Variants in ASB5 observed in about 807,000 individuals in gnomAD.
ASB5 encodes the protein ankyrin repeat and SOCS box protein 5.
ASB5 carries 45 observed loss-of-function variants against 42.1 expected under a neutral mutation model. The ratio of observed to expected loss-of-function variants is 1.07; its 90% confidence interval spans 0.84 to 1.37. The LOEUF is 1.37. Among genes scored for constraint, ASB5 ranks in the 40% most tolerant of loss-of-function variants. The probability of loss-of-function intolerance (pLI) is 0.00; values close to 1 mark genes in which losing one functional copy is unlikely to be tolerated. For missense variants in ASB5, 402 were observed against 399.8 expected, an observed-to-expected ratio of 1.01 and a Z score of -0.05; for synonymous variants, 147 against 150.6, an observed-to-expected ratio of 0.98 and a Z score of 0.18.
intron 5 of ASB5, among the ~76,000 whole-genome samples, chr4:176,217,320 G>T (rs141282169): frequency 0.01 from 1,581 of 152,160 alleles, 32 homozygotes; most frequent in African/African-American, 0.037. Flanking sequence ...ACTTTTAAAT[G>T]ATTCCAAAAG....
At chr4:176,258,585 G>C (rs1177340500) in intron 1 of ASB5, among the ~76,000 whole-genome samples, 1 of 152,100 alleles carries the variant, frequency 6.6e-6, no homozygotes, top group East Asian at 1.9e-4. Context: ...TTAAAATTCA[G>C]TCTCTAGTCA....
intron 1 of ASB5, among the ~76,000 whole-genome samples, chr4:176,226,591 A>G (rs1196436177): frequency 2.6e-5 from 4 of 152,112 alleles, no homozygotes; most frequent in Non-Finnish European, 5.9e-5. Flanking sequence ...TTTATCAGCT[A>G]TTGGTTCTGT....
At chr4:176,215,819 T>A in intron 6 of ASB5, 92 bp from the exon 7 acceptor site, 9 of 1,246,444 alleles carry the variant, frequency 7.2e-6, no homozygotes, top group Non-Finnish European at 9.9e-6. Flanking sequence ...AAAACTACAA[T>A]GCTTTGTAGT....
intron 1 of ASB5, among the ~76,000 whole-genome samples, chr4:176,246,845 T>C (rs971560439): frequency 5.1e-4 from 78 of 152,214 alleles, no homozygotes; most frequent in African/African-American, 1.4e-3. Flanking sequence ...GTTTAATCCA[T>C]AGAATAAAGA....
chr4:176,262,097 G>C (rs1040487493), intron 1 of ASB5, among the ~76,000 whole-genome samples: 1 of 151,938 alleles, frequency 6.6e-6, no homozygotes, highest in Non-Finnish European at 1.5e-5. Context: ...AAGAAAAATA[G>C]CTTATTTTAA....
At chr4:176,245,229 G>T (rs1399240829) in intron 1 of ASB5, among the ~76,000 whole-genome samples, 1 of 152,174 alleles carries the variant, frequency 6.6e-6, no homozygotes, top group Non-Finnish European at 1.5e-5. Flanking sequence ...ATCAAAAAGT[G>T]GGGAGAGGAT....
upstream of ASB5, among the ~76,000 whole-genome samples, chr4:176,271,191 G>A (rs902515901): frequency 2.6e-5 from 4 of 152,106 alleles, no homozygotes; most frequent in Middle Eastern, 3.2e-3. Context: ...TGTATGTTCT[G>A]TTGGTATACT....
intron 1 of ASB5, among the ~76,000 whole-genome samples, chr4:176,249,870 C>A (rs1245220112): frequency 1.3e-5 from 2 of 151,766 alleles, no homozygotes; most frequent in African/African-American, 4.8e-5. Flanking sequence ...TGGAGACCAT[C>A]CTGGCTAACA....
chr4:176,237,190 C>T lies in ASB5; in HGVS notation c.197-11849G>A, dbSNP rs186974200. On this transcript the variant is annotated intron_variant, in intron 1 of 6. Transcript: ENST00000296525. Reference sequence around the variant, plus strand: ...CATGCCATACATGTGCATTTCAATCCGCATTCTGGAAAGCACCCGCAGTTT... The same window carrying T: ...CATGCCATACATGTGCATTTCAATCTGCATTCTGGAAAGCACCCGCAGTTT... 4.4e-5 allele frequency: 35 copies of T among 790,680 alleles called. No individual in the cohort carries two copies. In the Admixed American group the frequency reaches 1.4e-3, roughly 31 times the overall value. 49.0% of individuals were successfully genotyped at this position (790,680 alleles called of 1,614,324 possible).
chr4:176,268,708 A>G (rs1305318605), intron 1 of ASB5, among the ~76,000 whole-genome samples: 1 of 152,118 alleles, frequency 6.6e-6, no homozygotes, highest in Non-Finnish European at 1.5e-5. Context: ...TCTCTTTTGC[A>G]ATGATACCTT....
intron 1 of ASB5, among the ~76,000 whole-genome samples, chr4:176,256,672 C>T (rs144594847): frequency 8.7e-4 from 132 of 152,276 alleles, no homozygotes; most frequent in African/African-American, 3.0e-3. Context: ...GGCGTGGTGG[C>T]TCATGCCTGT....
In ASB5 at chr4:176,268,967, G is replaced by A. The variant is rs773072886; in HGVS notation, c.142C>T (p.Arg48Cys). The change falls in exon 1 of 7, where the codon CGC becomes TGC. Residue 48 changes from arginine (R) to cysteine (C), a missense_variant. Physicochemically the swap from Arg to Cys is radical, Grantham distance 180. Coordinates refer to ENST00000296525, the MANE Select transcript of ASB5 (RefSeq NM_080874.4). The part of the protein sequence containing the change: ...LSHFYIVKGN[R>C]KEAARIAAEF... Reference sequence around the variant, plus strand: ...GCTGCTATCCTTGCCGCTTCCTTGCGGTTGCCTTTCACTATGTAGAAATGA... The same window carrying A: ...GCTGCTATCCTTGCCGCTTCCTTGCAGTTGCCTTTCACTATGTAGAAATGA... 10 of 1,612,724 alleles carry A rather than the reference G, an allele frequency of 6.2e-6. No individual in the cohort carries two copies. Among genetic ancestry groups the A allele is most frequent in the South Asian group, 3.3e-5 (3 of 90,894 alleles).
exon 1 of ASB5, chr4:176,277,412 A>T (rs1252427461): frequency 6.6e-6 from 1 of 152,178 alleles, no homozygotes; most frequent in Non-Finnish European, 1.5e-5. Context: ...TCATCAGCTG[A>T]CACAGTCGGG....
Position 176,269,182 on chromosome 4 carries a change from T to A in ASB5, c.-74A>T. The A allele has an allele frequency of 7.2e-7, 1 of 1,384,516 alleles. No homozygotes were observed. Among genetic ancestry groups the A allele is most frequent in the South Asian group, 1.3e-5 (1 of 74,340 alleles). 85.8% of individuals were successfully genotyped at this position (1,384,516 alleles called of 1,614,324 possible). ...TGTGCCTGGCTCTCGTCCGGGATGC[T>A]CCTGAACAGCTGGTCCTGAGGAAAG... On this transcript the variant is annotated 5_prime_UTR_variant, in exon 1 of 7. Coordinates refer to ENST00000296525, the MANE Select transcript of ASB5 (RefSeq NM_080874.4).
intron 1 of ASB5, among the ~76,000 whole-genome samples, chr4:176,238,084 T>C (rs537119768): frequency 9.2e-5 from 14 of 151,618 alleles, no homozygotes; most frequent in African/African-American, 3.4e-4. Flanking sequence ...TAGCTGGACA[T>C]AGGGACGGGG....
intron 1 of ASB5, among the ~76,000 whole-genome samples, chr4:176,260,583 G>A (rs1413873739): frequency 1.3e-5 from 2 of 152,176 alleles, no homozygotes; most frequent in Non-Finnish European, 2.9e-5. Flanking sequence ...GGTCTGCTTT[G>A]TAGCATTGCT....
intron 1 of ASB5, among the ~76,000 whole-genome samples, chr4:176,229,094 T>G (rs2126952838): frequency 6.6e-6 from 1 of 152,346 alleles, no homozygotes; most frequent in Admixed American, 6.5e-5. Context: ...TAAATGTGTT[T>G]AAATTTAAAT....
intron 1 of ASB5, among the ~76,000 whole-genome samples, chr4:176,230,512 T>C (rs1304400892): frequency 6.6e-6 from 1 of 152,340 alleles, no homozygotes; most frequent in East Asian, 1.9e-4. Flanking sequence ...TTTTGAACTC[T>C]GTATTTATGT....
chr4:176,244,693 G>T (rs879463233), intron 1 of ASB5, among the ~76,000 whole-genome samples: 12 of 152,068 alleles, frequency 7.9e-5, no homozygotes, highest in Admixed American at 5.2e-4. Context: ...TGGGAGAATT[G>T]CTTGGGGCCA....
Sources: gnomAD v4.1 joint callset for allele counts (sites outside exome capture counted in the v4.1 genomes callset) on GRCh38, gnomAD v4.1.1 for gene constraint, MANE v1.5 for transcripts, NCBI Gene and HGNC (gene_info 2026-07-23, HGNC 2026-07-21) for gene names.